The following RIMS2 variants were observed in gnomAD, a reference collection of about 807,000 sequenced individuals.
The protein encoded by RIMS2 is regulating synaptic membrane exocytosis protein 2.
In RIMS2, 59 loss-of-function variants were observed where a neutral mutation model predicts 174.4. The ratio of observed to expected loss-of-function variants is 0.34; its 90% CI spans 0.27 to 0.42. The LOEUF (loss-of-function observed/expected upper bound fraction) is 0.42, where lower values mean the gene tolerates loss of function less well. Ranked by LOEUF, RIMS2 falls within the 10% of genes least tolerant of loss-of-function variation. The pLI is 1.00. For synonymous variants in RIMS2, 606 were observed against 572.5 expected, an observed-to-expected ratio of 1.06 and a Z score of -0.84; for missense variants, 1,620 against 1,666.3, an observed-to-expected ratio of 0.97 and a Z score of 0.48.
At chr8:104,180,228 CA>C (rs1320512894) in intron 19 of RIMS2, among the ~76,000 whole-genome samples, 1 of 151,674 alleles carries the variant, frequency 6.6e-6, no homozygotes, top group Non-Finnish European at 1.5e-5. Context: ...AGGGCATGCC[CA>C]TTTTTAATTT....
At chr8:103,551,341 A>G (rs1043675002) in intron 1 of RIMS2, among the ~76,000 whole-genome samples, 1 of 152,208 alleles carries the variant, frequency 6.6e-6, no homozygotes, top group Admixed American at 6.5e-5. Context: ...AGAATCAAAG[A>G]CAAAAACCAC....
intron 1 of RIMS2, among the ~76,000 whole-genome samples, chr8:103,561,788 C>T (rs989093839): frequency 6.6e-5 from 10 of 151,982 alleles, no homozygotes; most frequent in East Asian, 1.9e-4. Context: ...CATTTTCATT[C>T]GGGTGATAAA....
chr8:103,502,296 G>T (rs1563549734), intron 1 of RIMS2, among the ~76,000 whole-genome samples: 1 of 152,062 alleles, frequency 6.6e-6, no homozygotes, highest in Non-Finnish European at 1.5e-5. Context: ...AAAGAAACAG[G>T]TTTCATTGTC....
At chr8:103,553,429 A>C (rs4298466) in intron 1 of RIMS2, among the ~76,000 whole-genome samples, 57,097 of 151,620 alleles carry the variant, frequency 0.38, 11,090 homozygotes, top group African/African-American at 0.4. Context: ...GGGAATATCA[A>C]ACACTGGGAC....
At chr8:104,097,627 A>T (rs2130754226) in intron 19 of RIMS2, among the ~76,000 whole-genome samples, 1 of 150,694 alleles carries the variant, frequency 6.6e-6, no homozygotes, top group Non-Finnish European at 1.5e-5. Flanking sequence ...AAAAAAAAAC[A>T]ATGACAAGCT....
intron 1 of RIMS2, among the ~76,000 whole-genome samples, chr8:103,505,151 C>T (rs1694011974): frequency 6.6e-6 from 1 of 151,916 alleles, no homozygotes; most frequent in African/African-American, 2.4e-5. Flanking sequence ...ACCCGCAGCC[C>T]CCAAATTTCT....
At chr8:103,532,113 G>A (rs1837461622) in intron 1 of RIMS2, among the ~76,000 whole-genome samples, 2 of 152,170 alleles carry the variant, frequency 1.3e-5, no homozygotes, top group Non-Finnish European at 2.9e-5. Context: ...GAAGGAAATA[G>A]CTTTGTTATG....
At chr8:104,158,372 C>T (rs2098738616) in intron 19 of RIMS2, among the ~76,000 whole-genome samples, 1 of 152,046 alleles carries the variant, frequency 6.6e-6, no homozygotes, top group Non-Finnish European at 1.5e-5. Context: ...GTGCGTGTGT[C>T]TTTATAGTAG....
intron 1 of RIMS2, among the ~76,000 whole-genome samples, chr8:103,587,409 G>GAAAGA (rs1554653342): frequency 2.6e-5 from 3 of 117,148 alleles, no homozygotes; most frequent in East Asian, 5.0e-4. Flanking sequence ...GAAGAAAAAA[G>GAAAGA]AAGAAAGAAA....
chr8:103,776,190 A>G (rs1467991248), intron 3 of RIMS2, among the ~76,000 whole-genome samples: 1 of 152,180 alleles, frequency 6.6e-6, no homozygotes, highest in Non-Finnish European at 1.5e-5. Context: ...CAACTGAAAT[A>G]TAATCAGCAA....
intron 17 of RIMS2, among the ~76,000 whole-genome samples, chr8:104,009,108 T>A (rs2095676059): frequency 6.6e-6 from 1 of 151,634 alleles, no homozygotes; most frequent in Admixed American, 6.6e-5. Flanking sequence ...GTTGTCATAA[T>A]TACTTTAAGT....
intron 15 of RIMS2, 129 bp downstream of exon 17, chr8:103,961,262 A>T (rs2089978579): frequency 1.7e-6 from 1 of 594,204 alleles, no homozygotes; most frequent in South Asian, 2.2e-5. Context: ...GCCTATGGCA[A>T]CCTATGACAA....
intron 3 of RIMS2, among the ~76,000 whole-genome samples, chr8:103,808,627 C>T (rs958591877): frequency 2.0e-5 from 3 of 152,130 alleles, no homozygotes; most frequent in African/African-American, 7.2e-5. Context: ...TCTCCTTTAG[C>T]ATTCTTTGTC....
chr8:103,661,966 AGAGAATGATATT>A (rs2096606556), intron 1 of RIMS2, among the ~76,000 whole-genome samples: 1 of 152,242 alleles, frequency 6.6e-6, no homozygotes, highest in Admixed American at 6.5e-5. Flanking sequence ...AGAAAGATAC[AGAGAATGATATT>A]GAGAATGATA....
chr8:103,801,143 C>T (rs1418722409), intron 3 of RIMS2, among the ~76,000 whole-genome samples: 2 of 152,120 alleles, frequency 1.3e-5, no homozygotes, highest in Non-Finnish European at 2.9e-5. Context: ...CACCACCACA[C>T]TCGGCTAATT....
At chr8:103,621,172 ATAAAT>A (rs1204634128) in intron 1 of RIMS2, among the ~76,000 whole-genome samples, 1 of 152,248 alleles carries the variant, frequency 6.6e-6, no homozygotes, top group African/African-American at 2.4e-5. Context: ...GCACTTGAAC[ATAAAT>A]TTAATTTCCT....
chr8:104,239,306 C>A (rs2099274700), intron 19 of RIMS2, among the ~76,000 whole-genome samples: 1 of 152,164 alleles, frequency 6.6e-6, no homozygotes, highest in Non-Finnish European at 1.5e-5. Flanking sequence ...ATGAGTCATT[C>A]AGACTAAGCA....
chr8:104,233,078 A>G (rs575686580), intron 19 of RIMS2, among the ~76,000 whole-genome samples: 1 of 152,324 alleles, frequency 6.6e-6, no homozygotes, highest in South Asian at 2.1e-4. Flanking sequence ...ATAAGCAGAC[A>G]AGAACGGGGG....
chr8:103,754,053 C>A (rs184345674), intron 2 of RIMS2, among the ~76,000 whole-genome samples: 1 of 152,170 alleles, frequency 6.6e-6, no homozygotes, highest in African/African-American at 2.4e-5. Flanking sequence ...CCTGCTTTCT[C>A]TTGTGGGCAT....
Sources: allele counts gnomAD v4.1 joint callset (sites outside exome capture counted in the v4.1 genomes callset), GRCh38; gene constraint gnomAD v4.1.1; transcripts MANE v1.5; gene names NCBI Gene and HGNC (gene_info 2026-07-23, HGNC 2026-07-21).